The following MOCOS variants were observed in gnomAD, a reference collection of about 807,000 sequenced individuals.
The protein encoded by MOCOS is molybdenum cofactor sulfurase.
Under a neutral mutation model 83.6 loss-of-function variants are expected in MOCOS, and 86 were observed. The observed-to-expected ratio is 1.03, with a 90% CI of 0.86 to 1.23. The LOEUF (loss-of-function observed/expected upper bound fraction) is 1.23. Among genes scored for constraint, MOCOS ranks in the 50% most tolerant of loss-of-function variants. MOCOS has a pLI of 0.00. For missense variants in MOCOS, 1,120 were observed against 1,126.9 expected, an observed-to-expected ratio of 0.99 and a Z score of 0.09; for synonymous variants, 445 against 434.7, an observed-to-expected ratio of 1.02 and a Z score of -0.29.
chr18:36,213,379 C>T lies in MOCOS; in HGVS notation c.1232C>T (p.Ala411Val), dbSNP rs755340405. The change falls in exon 7 of 15, where the codon GCC (alanine) becomes GTC (valine). Residue 411 changes from alanine to valine, a missense_variant. Transcript: ENST00000261326. ...TTAAATCCGCAGGTGGACAAAATGG[C>T]CAGTCTTTACAACATCCACCTGCGA... ...IIGYSQVDKM[A>V]SLYNIHLRTG... 14 of 1,613,926 alleles carry T rather than the reference C, an allele frequency of 8.7e-6. No individual in the cohort carries two copies. Among genetic ancestry groups the T allele is most frequent in the Non-Finnish European group, 1.2e-5 (14 of 1,179,958 alleles).
Position 36,195,468 on chromosome 18 carries a change from T to C in MOCOS, c.232+122T>C. On this transcript the variant is annotated intron_variant, in intron 2 of 14. Transcript: ENST00000261326. ...ACCACAAAAAGCTGAATAAGCCCCA[T>C]GTAAGATAGGGGCCAGGCAAGCACC... The C allele has an allele frequency of 5.4e-6, 5 of 925,010 alleles. No individual in the cohort carries two copies. The Admixed American group carries it at 7.9e-5, about 15-fold the overall frequency. The allele number at this position is 925,010 out of a possible 1,614,324, so 57.3% of individuals were successfully genotyped here. A position where few individuals can be genotyped will look rare whatever the true frequency, so the allele number is the denominator to read the frequency against.
chr18:36,253,800 C>T (rs574202356), intron 11 of MOCOS, among the ~76,000 whole-genome samples: 49 of 151,916 alleles, frequency 3.2e-4, no homozygotes, highest in South Asian at 2.1e-3. Context: ...AGGGGAGTGA[C>T]GGGGGATAGA....
chr18:36,256,926 C>T, intron 11 of MOCOS, 42 bp from the exon 12 acceptor site: 1 of 1,515,942 alleles, frequency 6.6e-7, no homozygotes, highest in Non-Finnish European at 9.2e-7. Flanking sequence ...CACTGGCATT[C>T]TGAGAAAGCA....
In MOCOS at chr18:36,203,165, T is replaced by C. The variant is rs1568050772; in HGVS notation, c.994T>C (p.Phe332Leu). Residue 332 changes from phenylalanine (F) to leucine (L), a missense_variant, in exon 5 of 15, where the codon TTT becomes CTT. Coordinates refer to ENST00000261326, the MANE Select transcript of MOCOS (RefSeq NM_017947.4). The part of the protein sequence containing the change: ...FLDVIALKHG[F>L]DTLERLTGGM... ...TGATGTTATCGCGCTAAAACATGGA[T>C]TTGACACCCTAGAGCGCCTCACAGG... is the stretch of plus-strand genomic sequence containing the variant. 1 of 1,614,174 alleles carries C rather than the reference T, an allele frequency of 6.2e-7. No individual in the cohort carries two copies. The highest frequency in any genetic ancestry group is 1.1e-5 in the South Asian group (1 of 91,084).
intron 9 of MOCOS, among the ~76,000 whole-genome samples, chr18:36,244,070 TTTTG>T (rs998369247): frequency 6.6e-5 from 10 of 152,212 alleles, no homozygotes; most frequent in African/African-American, 2.4e-4. Flanking sequence ...AGAACCAGCT[TTTTG>T]TTCTATTTAT....
In MOCOS at chr18:36,199,981, T is replaced by A. The variant is rs1318580749; in HGVS notation, c.598T>A (p.Tyr200Asn). ...CTGCCAGCTGCCGCATCTCTTCTGC[T>A]ACCCAGCTCAGAGTAACTTTTCTGG... ...PDCQLPHLFCYPAQSNFSGVR... is the reference protein window; with the variant it reads ...PDCQLPHLFCNPAQSNFSGVR... Residue 200 changes from tyrosine to asparagine, a missense_variant, in exon 4 of 15, where the codon TAC (tyrosine) becomes AAC (asparagine). Tyr to Asn is a moderately radical substitution (Grantham distance 143). Transcript: ENST00000261326. The A allele has an allele frequency of 6.2e-7, 1 of 1,614,138 alleles. No homozygotes were observed. Among genetic ancestry groups the A allele is most frequent in the East Asian group, 2.2e-5 (1 of 44,896 alleles).
chr18:36,207,295 C>T (rs1257338515), intron 6 of MOCOS, among the ~76,000 whole-genome samples: 4 of 152,196 alleles, frequency 2.6e-5, no homozygotes, highest in African/African-American at 9.7e-5. Flanking sequence ...CCTCAGCCTC[C>T]CAAAGTGCTG....
chr18:36,247,300 A>G (rs1416025287), intron 9 of MOCOS, among the ~76,000 whole-genome samples: 1 of 152,216 alleles, frequency 6.6e-6, no homozygotes, highest in Non-Finnish European at 1.5e-5. Context: ...GAAAGCAAGC[A>G]GGGCTCTCAG....
chr18:36,251,249 C>A lies in MOCOS; in HGVS notation c.2130C>A (p.Asn710Lys). ...GTCATTTGATCAAACAAAGTTCAAA[C>A]TCTCAAAGGAATGCAAAGAAGAAAC... ...RPCHLIKQSS[N>K]SQRNAKKKHG... The change falls in exon 11 of 15, where the codon AAC becomes AAA. Residue 710 changes from asparagine (N) to lysine (K), a missense_variant. Asn to Lys is a moderately conservative substitution (Grantham distance 94). Coordinates refer to ENST00000261326, the MANE Select transcript of MOCOS (RefSeq NM_017947.4). 1.2e-6 allele frequency: 2 copies of A among 1,614,074 alleles called. No homozygotes were observed. Among genetic ancestry groups the A allele is most frequent in the Non-Finnish European group, 1.7e-6 (2 of 1,179,950 alleles).
chr18:36,233,722 G>A (rs936214495), intron 9 of MOCOS, among the ~76,000 whole-genome samples: 1 of 152,068 alleles, frequency 6.6e-6, no homozygotes, highest in Non-Finnish European at 1.5e-5. Context: ...TTTAAATTAT[G>A]GTCATTCTTG....
intron 9 of MOCOS, among the ~76,000 whole-genome samples, chr18:36,228,861 A>G (rs995977164): frequency 6.7e-6 from 1 of 149,436 alleles, no homozygotes; most frequent in African/African-American, 2.5e-5. Flanking sequence ...AAAAGATGAG[A>G]TCTCGCCATG....
intron 9 of MOCOS, 125 bp downstream of exon 9, chr18:36,220,342 CAA>C (rs200612707): frequency 0.011 from 9,406 of 818,350 alleles, no homozygotes; most frequent in Non-Finnish European, 0.012. Context: ...CTCATCTCTA[CAA>C]AAAAAAAAAA....
chr18:36,219,973 GTGTT>G, intron 8 of MOCOS, 78 bp from the exon 9 acceptor site: 1 of 1,546,514 alleles, frequency 6.5e-7, no homozygotes, highest in Non-Finnish European at 8.9e-7. Context: ...AAGTCTATCT[GTGTT>G]TGTGTAGCCA....
intron 9 of MOCOS, among the ~76,000 whole-genome samples, chr18:36,225,206 C>T (rs2091510758): frequency 6.6e-6 from 1 of 152,098 alleles, no homozygotes. Flanking sequence ...GGCTGGAGTG[C>T]AGTGGCACGA....
intron 7 of MOCOS, among the ~76,000 whole-genome samples, chr18:36,214,922 C>T (rs1214621174): frequency 1.3e-5 from 2 of 152,196 alleles, no homozygotes; most frequent in Admixed American, 1.3e-4. Flanking sequence ...GTGACCAACA[C>T]CAGGCAGCCG....
chr18:36,263,847 A>G (rs2091672262), intron 13 of MOCOS, among the ~76,000 whole-genome samples: 2 of 152,232 alleles, frequency 1.3e-5, no homozygotes, highest in East Asian at 1.9e-4. Context: ...AAGAAGCTTT[A>G]AAATGAAGAT....
chr18:36,196,955 T>C (rs2091390644), intron 2 of MOCOS, among the ~76,000 whole-genome samples: 1 of 152,086 alleles, frequency 6.6e-6, no homozygotes, highest in Non-Finnish European at 1.5e-5. Flanking sequence ...TCCTGAGAAA[T>C]GCTGGTGCCT....
rs969001641 is a variant in MOCOS at position 36,226,217 on chromosome 18, T to C, written c.1960+6000T>C. Among the ~76,000 whole-genome samples the C allele has an allele frequency of 3.9e-5, 6 of 152,292 alleles. No homozygotes were observed. In the South Asian group the frequency reaches 1.0e-3, roughly 26 times the overall value. On this transcript the variant is annotated intron_variant, in intron 9 of 14. Transcript: ENST00000261326. ...GGTGCTCTGATGTTGGGTGCATATA[T>C]ATTTATAATTGTTATATACTCCTGG... is the stretch of plus-strand genomic sequence containing the variant.
intron 2 of MOCOS, 68 bp downstream of exon 2, chr18:36,195,414 C>T (rs571598269): frequency 3.3e-5 from 45 of 1,370,152 alleles, no homozygotes; most frequent in Middle Eastern, 1.8e-4. Flanking sequence ...GCATGTTAAA[C>T]GCTGGATTAA....
Sources: allele counts gnomAD v4.1 joint callset (sites outside exome capture counted in the v4.1 genomes callset), GRCh38; gene constraint gnomAD v4.1.1; transcripts MANE v1.5; gene names NCBI Gene and HGNC (gene_info 2026-07-23, HGNC 2026-07-21).